MVB12A: variants seen among roughly 807,000 people sequenced by gnomAD.
MVB12A encodes the protein multivesicular body subunit 12A.
Under a neutral mutation model 34.3 loss-of-function variants are expected in MVB12A, and 30 were observed. The ratio of observed to expected loss-of-function variants is 0.88; its 90% CI spans 0.65 to 1.19. The LOEUF is 1.19. MVB12A is among the 50% of genes most tolerant of loss of function. The probability of loss-of-function intolerance (pLI) is 0.00; values close to 1 mark genes in which losing one functional copy is unlikely to be tolerated. For missense variants in MVB12A, 355 were observed against 369.2 expected (o/e 0.96, Z 0.31); for synonymous variants, 158 against 158.9 (o/e 0.99, Z 0.04).
chr19:17,424,700 G>C (rs1415837813), intron 8 of MVB12A, 23 bp downstream of exon 8: 2 of 1,596,740 alleles, frequency 1.3e-6, no homozygotes, highest in Non-Finnish European at 1.7e-6. Context: ...CTAGGGAGGA[G>C]GTGGGTGCAG....
chr19:17,411,394 G>A (rs931928860), intron 2 of MVB12A, among the ~76,000 whole-genome samples: 5 of 150,546 alleles, frequency 3.3e-5, no homozygotes, highest in South Asian at 2.1e-4. Flanking sequence ...TTGTTCTGTC[G>A]CCCAGGCTGG....
chr19:17,412,153 C>T (rs766926483), intron 2 of MVB12A, among the ~76,000 whole-genome samples: 30 of 152,190 alleles, frequency 2.0e-4, no homozygotes, highest in Non-Finnish European at 3.7e-4. Flanking sequence ...CAAGCCCTGC[C>T]CTGGGGAGAA....
intron 2 of MVB12A, among the ~76,000 whole-genome samples, chr19:17,411,414 G>A (rs1432466147): frequency 1.3e-5 from 2 of 151,944 alleles, no homozygotes; most frequent in East Asian, 3.9e-4. Context: ...GAGTGCAGTG[G>A]TGTGATCATA....
chr19:17,420,614 T>C lies in MVB12A; in HGVS notation c.266T>C (p.Val89Ala). Residue 89 changes from valine (V) to alanine (A), a missense_variant, in exon 3 of 9, where the codon GTC becomes GCC. Val to Ala is a moderately conservative substitution (Grantham distance 64, BLOSUM62 0). Coordinates refer to ENST00000317040, the MANE Select transcript of MVB12A (RefSeq NM_138401.4). ...CCCCTGCCGCTGGGCTTCTCCCCCGTCTGCGACCCCATGGATTCCAGTAAG... is the reference window on the plus strand; with the variant it reads ...CCCCTGCCGCTGGGCTTCTCCCCCGCCTGCGACCCCATGGATTCCAGTAAG... The part of the protein sequence containing the change: ...KSPLPLGFSP[V>A]CDPMDSKASV... The C allele has an allele frequency of 2.5e-6, 4 of 1,612,926 alleles. No homozygotes were observed. The highest frequency in any genetic ancestry group is 3.4e-6 in the Non-Finnish European group (4 of 1,178,950).
Position 17,420,348 on chromosome 19 carries a change from T to C in MVB12A, c.126T>C (p.Phe42=), listed in dbSNP as rs1394776274. The change falls in exon 2 of 9, where the codon TTT becomes TTC. Residue 42 remains phenylalanine (F), a synonymous_variant. Transcript: ENST00000317040. ...CCGTCGAGGGGGCACCCGCCAGCTT[T>C]GGCAAGAGCTTCGCGCAGAAATCTG... ...SCTVEGAPAS[F]GKSFAQKSGY... 1.2e-6 allele frequency: 2 copies of C among 1,613,064 alleles called. No homozygotes were observed. The highest frequency in any genetic ancestry group is 1.7e-6 in the Non-Finnish European group (2 of 1,179,646).
In MVB12A at chr19:17,420,377, A is replaced by G. The variant is rs1244764081; in HGVS notation, c.155A>G (p.Tyr52Cys). The G allele has an allele frequency of 6.8e-6, 11 of 1,613,702 alleles. No homozygotes were observed. Among genetic ancestry groups the G allele is most frequent in the Non-Finnish European group, 9.3e-6 (11 of 1,179,856 alleles). ...AAGAGCTTCGCGCAGAAATCTGGCT[A>G]CTTCCTGTGCCTTAGTTCTCTGGGC... is the stretch of plus-strand genomic sequence containing the variant. ...FGKSFAQKSG[Y>C]FLCLSSLGSL... is the part of the protein sequence containing the mutation. The change falls in exon 2 of 9, where the codon TAC becomes TGC. Residue 52 changes from tyrosine to cysteine, a missense_variant. Physicochemically the swap from Tyr to Cys is radical, Grantham distance 194. Transcript: ENST00000317040.
chr19:17,418,637 G>A (rs2074816850), upstream of MVB12A, among the ~76,000 whole-genome samples: 1 of 151,618 alleles, frequency 6.6e-6, no homozygotes, highest in Non-Finnish European at 1.5e-5. Flanking sequence ...TGATCCGCCC[G>A]CCTCGGCCTC....
At chr19:17,423,422 C>T (rs1056862123) in intron 4 of MVB12A, 76 bp from the exon 5 acceptor site, 24 of 1,521,456 alleles carry the variant, frequency 1.6e-5, no homozygotes, top group African/African-American at 1.5e-4. Flanking sequence ...CCGGGTCCCC[C>T]GCCTTCTCCA....
In MVB12A at chr19:17,407,021, A is replaced by C. The variant is rs545385036; in HGVS notation, c.-5+725A>C. On this transcript the variant is annotated intron_variant, in intron 2 of 6. Coordinates refer to the MVB12A transcript ENST00000528604. ...AGCACTGTTCTGGCCTGCTAACTTT[A>C]GGGTTAGTTTGGGACCAGGTCGGAA... 5.9e-5 allele frequency among the ~76,000 whole-genome samples: 9 copies of C among 152,230 alleles called. No homozygotes were observed. The South Asian group carries it at 1.9e-3, about 32-fold the overall frequency.
At chr19:17,423,435 G>A in intron 4 of MVB12A, 63 bp from the exon 5 acceptor site, 4 of 1,572,502 alleles carry the variant, frequency 2.5e-6, no homozygotes, top group South Asian at 1.1e-5. Flanking sequence ...CTTCTCCAGG[G>A]GCTATCCTCA....
chr19:17,412,710 A>C (rs1455081539), intron 2 of MVB12A, among the ~76,000 whole-genome samples: 1 of 152,252 alleles, frequency 6.6e-6, no homozygotes, highest in Non-Finnish European at 1.5e-5. Context: ...ATTTCTCATC[A>C]GTTACATTAT....
intron 4 of MVB12A, 72 bp downstream of exon 4, chr19:17,422,530 A>C: frequency 2.7e-6 from 4 of 1,480,658 alleles, no homozygotes; most frequent in South Asian, 1.3e-5. Context: ...TCTGACCCTC[A>C]AGGACACCCC....
upstream of MVB12A, chr19:17,417,790 T>C (rs2074810642): frequency 3.8e-6 from 1 of 265,082 alleles, no homozygotes; most frequent in Admixed American, 3.9e-5. Flanking sequence ...CTTTGCCATT[T>C]CATCAAATTT....
intron 2 of MVB12A, among the ~76,000 whole-genome samples, chr19:17,409,420 C>T (rs1015338165): frequency 4.3e-4 from 65 of 150,744 alleles, no homozygotes; most frequent in African/African-American, 1.4e-3. Flanking sequence ...CATGAGCCAC[C>T]GCTCCCAGCC....
chr19:17,410,832 G>A (rs1290545481), intron 2 of MVB12A, among the ~76,000 whole-genome samples: 5 of 143,890 alleles, frequency 3.5e-5, no homozygotes, highest in Admixed American at 2.1e-4. Flanking sequence ...AGAAGGCTGA[G>A]GCAGAAGAAT....
At chr19:17,419,572 C>G (rs545115909), upstream of MVB12A, 1 of 152,216 alleles carries the variant, frequency 6.6e-6, no homozygotes, top group African/African-American at 2.4e-5. Flanking sequence ...TTTCCCAGAA[C>G]TGGAATTGCA....
Position 17,425,206 on chromosome 19 carries a change from A to G in MVB12A, c.*213A>G, listed in dbSNP as rs1244082398. On this transcript the variant is annotated 3_prime_UTR_variant, in exon 9 of 9. Transcript: ENST00000317040. ...GCGTGGTGATGGGGTCTCCGCCCCC[A>G]CGCCCTGCCGGGCAGGGCTGGAGCT... 3.8e-6 allele frequency: 2 copies of G among 524,166 alleles called. No individual in the cohort carries two copies. The highest frequency in any genetic ancestry group is 7.5e-5 in the Admixed American group (2 of 26,838). The allele number at this position is 524,166 out of a possible 1,614,324, so 32.5% of individuals were successfully genotyped here.
At chr19:17,414,267 C>G (rs926337529) in intron 2 of MVB12A, 1 of 143,090 alleles carries the variant, frequency 7.0e-6, no homozygotes, top group Non-Finnish European at 1.5e-5. Flanking sequence ...GGCTACAGAA[C>G]AAGACTCTGT....
intron 3 of MVB12A, chr19:17,421,240 A>G: frequency 8.3e-6 from 3 of 360,886 alleles, no homozygotes; most frequent in South Asian, 6.2e-5. Flanking sequence ...GCTGGAGTGC[A>G]ATGGCGCGAT....
Sources: allele counts gnomAD v4.1 joint callset (sites outside exome capture counted in the v4.1 genomes callset), GRCh38; gene constraint gnomAD v4.1.1; transcripts MANE v1.5; gene names NCBI Gene and HGNC (gene_info 2026-07-23, HGNC 2026-07-21).